Variants in RNF216 observed in about 807,000 individuals in gnomAD.
The protein encoded by RNF216 is ring finger protein 216.
Under a neutral mutation model 110.8 loss-of-function variants are expected in RNF216, and 72 were observed. The observed-to-expected ratio is 0.65, with a 90% confidence interval of 0.54 to 0.79. The LOEUF is 0.79. Among genes scored for constraint, RNF216 ranks in the 30% least tolerant of loss-of-function variants. The pLI, the probability that RNF216 is intolerant of heterozygous loss-of-function variation, is 0.00. For missense variants in RNF216, 1,342 were observed against 1,141.2 expected (o/e 1.18, Z -2.54); for synonymous variants, 495 against 407.5 (o/e 1.21, Z -2.59).
chr7:5,652,349 CAAA>C, intron 14 of RNF216, 61 bp downstream of exon 14: 1 of 1,205,796 alleles, frequency 8.3e-7, no homozygotes, highest in South Asian at 1.2e-5. Context: ...CCCTCTCTAC[CAAA>C]AAGCAGGTTA....
chr7:5,663,516 G>A (rs755033799), intron 13 of RNF216, among the ~76,000 whole-genome samples: 3 of 142,256 alleles, frequency 2.1e-5, no homozygotes, highest in Non-Finnish European at 4.6e-5. Flanking sequence ...CCCGGGAGGC[G>A]GAGCTTGCAG....
intron 13 of RNF216, among the ~76,000 whole-genome samples, chr7:5,661,968 G>A (rs1427986386): frequency 6.6e-6 from 1 of 152,228 alleles, no homozygotes. Context: ...GCGAAAGCAG[G>A]TCACTGTTTA....
chr7:5,644,394 C>T (rs1187973706), intron 14 of RNF216, among the ~76,000 whole-genome samples: 1 of 152,130 alleles, frequency 6.6e-6, no homozygotes, highest in African/African-American at 2.4e-5. Flanking sequence ...GAAGCGGTAT[C>T]TTATTATAGT....
intron 7 of RNF216, among the ~76,000 whole-genome samples, chr7:5,726,843 G>A (rs1366406486): frequency 6.6e-6 from 1 of 150,794 alleles, no homozygotes; most frequent in Non-Finnish European, 1.5e-5. Context: ...AGGCGACAGA[G>A]CGTGACTCTG....
At chr7:5,758,385 T>C (rs1012858758) in intron 2 of RNF216, among the ~76,000 whole-genome samples, 3 of 152,214 alleles carry the variant, frequency 2.0e-5, no homozygotes, top group Non-Finnish European at 4.4e-5. Flanking sequence ...ATTTTATTAC[T>C]CTTGATTTGA....
At chr7:5,711,664 A>T (rs1384915025) in intron 13 of RNF216, 97 bp downstream of exon 13, 1 of 910,300 alleles carries the variant, frequency 1.1e-6, no homozygotes, top group East Asian at 2.6e-5. Context: ...TCCTTCTTAT[A>T]CATCAGCAGT....
chr7:5,629,732 C>T (rs899046527), intron 15 of RNF216, among the ~76,000 whole-genome samples: 14 of 145,272 alleles, frequency 9.6e-5, no homozygotes, highest in Admixed American at 9.4e-4. Flanking sequence ...GAGGCTGAGG[C>T]AGGAGAATCA....
At chr7:5,749,301 C>A (rs1432766243) in intron 3 of RNF216, among the ~76,000 whole-genome samples, 3 of 152,052 alleles carry the variant, frequency 2.0e-5, no homozygotes, top group African/African-American at 7.2e-5. Context: ...CAGGCACGTG[C>A]CACCATGCCT....
At chr7:5,697,646 C>A (rs1791711618) in intron 13 of RNF216, among the ~76,000 whole-genome samples, 1 of 152,102 alleles carries the variant, frequency 6.6e-6, no homozygotes. Context: ...CCACTCCCAG[C>A]CTGGGGAAAG....
chr7:5,634,762 C>T (rs1787296417), intron 15 of RNF216, among the ~76,000 whole-genome samples: 1 of 152,236 alleles, frequency 6.6e-6, no homozygotes. Context: ...CACCCAGGGG[C>T]CTGGTGGGAT....
intron 15 of RNF216, among the ~76,000 whole-genome samples, chr7:5,634,217 G>T (rs1415200190): frequency 1.3e-5 from 2 of 152,140 alleles, no homozygotes; most frequent in Non-Finnish European, 2.9e-5. Context: ...GGGAAGAACG[G>T]GTGGCTTTTC....
At chr7:5,623,789 G>A (rs1217751598) in intron 16 of RNF216, among the ~76,000 whole-genome samples, 2 of 152,164 alleles carry the variant, frequency 1.3e-5, no homozygotes, top group Non-Finnish European at 2.9e-5. Context: ...TTAGCCAGGT[G>A]TGGCTTGATT....
Position 5,739,332 on chromosome 7 carries a change from T to C in RNF216, c.1065A>G (p.Val355=). The C allele has an allele frequency of 1.3e-6, 2 of 1,599,332 alleles. No individual in the cohort carries two copies. Among genetic ancestry groups the C allele is most frequent in the Non-Finnish European group, 8.5e-7 (1 of 1,175,486 alleles). The part of the protein sequence containing the change: ...VKETEARFPD[V]ANGFIEEIIH... ...TTATTTCCTCAATAAACCCATTTGC[T>C]ACATCTGGAAATCTTGCTTCCTAGA... Residue 355 remains valine, a synonymous_variant, in exon 5 of 17, where the codon GTA becomes GTG. Transcript: ENST00000389902.
intron 13 of RNF216, among the ~76,000 whole-genome samples, chr7:5,678,033 A>T (rs1434534709): frequency 6.6e-6 from 1 of 150,906 alleles, no homozygotes; most frequent in Non-Finnish European, 1.5e-5. Flanking sequence ...CTTCTCCTAC[A>T]CACCTGTCTT....
At chr7:5,747,069 A>G (rs1027452256) in intron 3 of RNF216, among the ~76,000 whole-genome samples, 4 of 152,232 alleles carry the variant, frequency 2.6e-5, no homozygotes, top group African/African-American at 9.6e-5. Context: ...TTACCTGAAT[A>G]CTGCATCTAC....
chr7:5,720,513 C>G (rs1793352235), intron 9 of RNF216, among the ~76,000 whole-genome samples: 1 of 152,154 alleles, frequency 6.6e-6, no homozygotes, highest in African/African-American at 2.4e-5. Context: ...TTGGGGCAGT[C>G]AAACATTATA....
At chr7:5,695,563 C>A (rs553532811) in intron 13 of RNF216, among the ~76,000 whole-genome samples, 3 of 152,174 alleles carry the variant, frequency 2.0e-5, no homozygotes, top group Non-Finnish European at 4.4e-5. Context: ...CAGAAGACAC[C>A]GCAGCTATAG....
At chr7:5,729,654 G>C in intron 6 of RNF216, 58 bp from the exon 7 acceptor site, 1 of 1,398,464 alleles carries the variant, frequency 7.2e-7, no homozygotes, top group South Asian at 1.2e-5. Flanking sequence ...CCATACAGGG[G>C]AAATCATTTT....
At chr7:5,653,004 C>T (rs375082945) in intron 13 of RNF216, among the ~76,000 whole-genome samples, 4 of 152,264 alleles carry the variant, frequency 2.6e-5, no homozygotes, top group South Asian at 4.1e-4. Context: ...GTAGCACGAG[C>T]TGCTTGGCAG....
Sources: gnomAD v4.1 joint callset for allele counts (sites outside exome capture counted in the v4.1 genomes callset) on GRCh38, gnomAD v4.1.1 for gene constraint, MANE v1.5 for transcripts, NCBI Gene and HGNC (gene_info 2026-07-23, HGNC 2026-07-21) for gene names.